The following ZNF385D variants were observed in gnomAD, a reference collection of about 807,000 sequenced individuals.
ZNF385D encodes zinc finger protein 385D.
In ZNF385D, 15 loss-of-function variants were observed where a neutral mutation model predicts 35.8. The ratio of observed to expected loss-of-function variants is 0.42; its 90% CI spans 0.28 to 0.64. The LOEUF (loss-of-function observed/expected upper bound fraction) is 0.64, where lower values mean the gene tolerates loss of function less well. ZNF385D is among the 30% of genes least tolerant of loss of function. The probability of loss-of-function intolerance (pLI) is 0.23; values close to 1 mark genes in which losing one functional copy is unlikely to be tolerated. For missense variants in ZNF385D, 474 were observed against 494.6 expected (o/e 0.96, Z 0.39); for synonymous variants, 212 against 186.8 (o/e 1.13, Z -1.10).
chr3:21,451,168 A>G (rs867068568), intron 4 of ZNF385D, among the ~76,000 whole-genome samples: 3 of 152,106 alleles, frequency 2.0e-5, no homozygotes, highest in Non-Finnish European at 2.9e-5. Context: ...TGACGAACCA[A>G]TCAATACGAT....
At chr3:21,669,116 A>C (rs903842908) in intron 1 of ZNF385D, among the ~76,000 whole-genome samples, 1 of 152,220 alleles carries the variant, frequency 6.6e-6, no homozygotes, top group Non-Finnish European at 1.5e-5. Context: ...CTAGTACCAC[A>C]TATTTCATAG....
At chr3:22,260,112 A>C (rs1700545493) in intron 2 of ZNF385D, among the ~76,000 whole-genome samples, 1 of 152,074 alleles carries the variant, frequency 6.6e-6, no homozygotes, top group Non-Finnish European at 1.5e-5. Flanking sequence ...TTACTTAAAT[A>C]CATTGTATTC....
intron 3 of ZNF385D, among the ~76,000 whole-genome samples, chr3:21,934,617 T>C (rs549902177): frequency 5.9e-5 from 9 of 152,216 alleles, no homozygotes; most frequent in African/African-American, 1.2e-4. Flanking sequence ...ACAAAGACAT[T>C]AGAAATAGAT....
intron 3 of ZNF385D, among the ~76,000 whole-genome samples, chr3:21,856,776 A>G (rs548661937): frequency 6.2e-4 from 95 of 152,216 alleles, no homozygotes; most frequent in African/African-American, 2.2e-3. Context: ...GTGAGGAACA[A>G]CCAGCTCATA....
chr3:22,354,158 A>G lies in ZNF385D; in HGVS notation c.106+18292T>C, dbSNP rs80077344. The stretch of plus-strand genomic sequence containing the variant: ...TTATACTGATTACTGGATTTTTTAT[A>G]TCGCCTTGGTTTGAAAGCCAGTTCT... On this transcript the variant is annotated intron_variant, in intron 2 of 5. Transcript: ENST00000494108. Among the ~76,000 whole-genome samples the G allele has an allele frequency of 1.0e-2, 1,520 of 152,224 alleles. 22 individuals carry two copies. Among genetic ancestry groups the G allele is most frequent in the African/African-American group, 0.034 (1,424 of 41,526 alleles).
At chr3:21,766,739 G>C (rs953899080) in intron 3 of ZNF385D, among the ~76,000 whole-genome samples, 6 of 152,066 alleles carry the variant, frequency 3.9e-5, no homozygotes, top group Non-Finnish European at 7.4e-5. Context: ...TTCAGATGGA[G>C]CAAAGGGAGA....
chr3:21,838,133 A>C (rs2125780112), intron 3 of ZNF385D, among the ~76,000 whole-genome samples: 1 of 152,234 alleles, frequency 6.6e-6, no homozygotes, highest in South Asian at 2.1e-4. Context: ...AGAGTAACAC[A>C]GAAGAACAGT....
Position 21,751,163 on chromosome 3 carries a change from T to C in ZNF385D, c.-247A>G. On this transcript the variant is annotated 5_prime_UTR_variant, in exon 1 of 8. Transcript: ENST00000281523. ...GCTGCACTGCCCATCCTTACTGTAA[T>C]CCGACTCCTCCTTGCGATGTCCTTG... 7.1e-7 allele frequency: 1 copy of C among 1,414,072 alleles called. No homozygotes were observed. Among genetic ancestry groups the C allele is most frequent in the South Asian group, 1.5e-5 (1 of 66,228 alleles). 87.6% of individuals were successfully genotyped at this position (1,414,072 alleles called of 1,614,324 possible). A position where few individuals can be genotyped will look rare whatever the true frequency, so the allele number is the denominator to read the frequency against.
intron 3 of ZNF385D, among the ~76,000 whole-genome samples, chr3:21,940,278 G>C (rs478011): frequency 6.6e-6 from 1 of 152,010 alleles, no homozygotes; most frequent in Admixed American, 6.5e-5. Flanking sequence ...TGGATTTTAA[G>C]GGCAAGCAGA....
chr3:22,291,584 A>C (rs1702304433), intron 2 of ZNF385D, among the ~76,000 whole-genome samples: 1 of 151,996 alleles, frequency 6.6e-6, no homozygotes, highest in African/African-American at 2.4e-5. Context: ...GCAAACAATG[A>C]TAGTTTTATA....
chr3:22,359,994 G>A (rs1183926559), intron 2 of ZNF385D, among the ~76,000 whole-genome samples: 1 of 151,832 alleles, frequency 6.6e-6, no homozygotes, highest in Non-Finnish European at 1.5e-5. Flanking sequence ...AAACATGAAT[G>A]GGAGGCTAGA....
intron 3 of ZNF385D, among the ~76,000 whole-genome samples, chr3:22,123,278 G>A (rs1033141574): frequency 2.0e-5 from 3 of 151,222 alleles, no homozygotes; most frequent in Non-Finnish European, 2.9e-5. Flanking sequence ...AAGTTCAAGA[G>A]TACAGTTTTA....
At chr3:21,606,533 G>C (rs2064490414) in intron 2 of ZNF385D, among the ~76,000 whole-genome samples, 1 of 152,136 alleles carries the variant, frequency 6.6e-6, no homozygotes, top group Admixed American at 6.5e-5. Flanking sequence ...AAGAAACTGA[G>C]TCCTAAAAAA....
At chr3:21,433,697 C>T (rs1026315520) in intron 5 of ZNF385D, among the ~76,000 whole-genome samples, 1 of 152,102 alleles carries the variant, frequency 6.6e-6, no homozygotes, top group Non-Finnish European at 1.5e-5. Flanking sequence ...ACTAAACGGC[C>T]TAGGCAAACT....
At chr3:22,107,009 A>C (rs1702249529) in intron 3 of ZNF385D, among the ~76,000 whole-genome samples, 1 of 136,082 alleles carries the variant, frequency 7.3e-6, no homozygotes, top group Admixed American at 7.6e-5. Flanking sequence ...TATTTATGCA[A>C]AAACTTTGGA....
chr3:21,913,342 T>G (rs1700054743), intron 3 of ZNF385D, among the ~76,000 whole-genome samples: 1 of 152,120 alleles, frequency 6.6e-6, no homozygotes, highest in Admixed American at 6.6e-5. Context: ...TCTCAGGTCG[T>G]ATATCTGAAA....
At chr3:21,432,605 G>T (rs1341863166) in intron 5 of ZNF385D, among the ~76,000 whole-genome samples, 1 of 151,322 alleles carries the variant, frequency 6.6e-6, no homozygotes, top group Non-Finnish European at 1.5e-5. Flanking sequence ...TTTTTTGTGG[G>T]GGGAAATTTT....
intron 4 of ZNF385D, among the ~76,000 whole-genome samples, chr3:21,470,941 C>T (rs1703842946): frequency 6.6e-6 from 1 of 152,000 alleles, no homozygotes; most frequent in East Asian, 1.9e-4. Flanking sequence ...TGATAGTAGA[C>T]TAAAGTAGTG....
At chr3:21,819,413 G>T (rs62239208) in intron 3 of ZNF385D, among the ~76,000 whole-genome samples, 31,056 of 150,704 alleles carry the variant, frequency 0.21, 3,307 homozygotes, top group African/African-American at 0.23. Context: ...AAAGTAAAAC[G>T]GTGAGAAAGT....
Sources: gnomAD v4.1 joint callset for allele counts (sites outside exome capture counted in the v4.1 genomes callset) on GRCh38, gnomAD v4.1.1 for gene constraint, MANE v1.5 for transcripts, NCBI Gene and HGNC (gene_info 2026-07-23, HGNC 2026-07-21) for gene names.